Variants in SCAPER observed in about 807,000 individuals in gnomAD.
SCAPER encodes the protein S-phase cyclin A associated protein in the ER.
A neutral mutation model predicts 182.2 loss-of-function variants in SCAPER; 98 were observed. The observed-to-expected ratio is 0.54, with a 90% CI of 0.46 to 0.64. SCAPER has a LOEUF of 0.64. Ranked by LOEUF, SCAPER falls within the 30% of genes least tolerant of loss-of-function variation. The pLI is 0.00. For missense variants in SCAPER, 1,432 were observed against 1,690.0 expected (o/e 0.85, Z 2.68); for synonymous variants, 605 against 564.6 (o/e 1.07, Z -1.01).
chr15:76,655,348 GA>G (rs1198005600), intron 21 of SCAPER, among the ~76,000 whole-genome samples: 2 of 151,116 alleles, frequency 1.3e-5, no homozygotes. Flanking sequence ...CAAACATAAA[GA>G]AAAAAGAAGA....
chr15:76,814,123 A>G (rs933172506), intron 5 of SCAPER, among the ~76,000 whole-genome samples: 1 of 152,056 alleles, frequency 6.6e-6, no homozygotes, highest in Non-Finnish European at 1.5e-5. Flanking sequence ...AGCCGAGATT[A>G]CGCCACCGCG....
At chr15:76,626,345 A>C (rs2468122) in intron 21 of SCAPER, among the ~76,000 whole-genome samples, 25,551 of 152,152 alleles carry the variant, frequency 0.17, 2,503 homozygotes, top group African/African-American at 0.28. Context: ...AGGGGGATAC[A>C]AAGAGGTATA....
chr15:76,424,890 A>T (rs377277323), intron 26 of SCAPER, among the ~76,000 whole-genome samples: 4 of 152,120 alleles, frequency 2.6e-5, no homozygotes, highest in Admixed American at 6.5e-5. Flanking sequence ...TTAGTTTGGC[A>T]GGATATGAAA....
rs1230104329 is a variant in SCAPER at position 76,652,343 on chromosome 15, T to TACACAC, written c.2645+13304_2645+13309dup. Among the ~76,000 whole-genome samples, 69 of 12,190 alleles carry TACACAC rather than the reference T, an allele frequency of 5.7e-3. 1 individual carries two copies. The highest frequency in any genetic ancestry group is 6.4e-3 in the East Asian group (2 of 314). 8.0% of individuals were successfully genotyped at this position (12,190 alleles called of 152,430 possible). A position where few individuals can be genotyped will look rare whatever the true frequency, so the allele number is the denominator to read the frequency against. On this transcript the variant is annotated intron_variant, in intron 21 of 31. Coordinates refer to ENST00000563290, the MANE Select transcript of SCAPER (RefSeq NM_020843.4). ...ACACACACACACACATACACATATA[T>TACACAC]ACACACACACACACACACACACACA...
chr15:76,632,727 A>C (rs1054645218), intron 21 of SCAPER, among the ~76,000 whole-genome samples: 1 of 144,574 alleles, frequency 6.9e-6, no homozygotes, highest in Non-Finnish European at 1.5e-5. Context: ...ATTCTTTCTC[A>C]TCTTCATGGA....
intron 20 of SCAPER, among the ~76,000 whole-genome samples, chr15:76,673,152 A>G (rs1031160631): frequency 6.6e-6 from 1 of 152,128 alleles, no homozygotes; most frequent in African/African-American, 2.4e-5. Flanking sequence ...TATTATCAAC[A>G]TTTTCAAAAC....
intron 21 of SCAPER, among the ~76,000 whole-genome samples, chr15:76,627,964 T>G (rs1019434622): frequency 6.6e-6 from 1 of 152,218 alleles, no homozygotes; most frequent in African/African-American, 2.4e-5. Flanking sequence ...GTTTCTTGAC[T>G]TTTTAATAAT....
intron 8 of SCAPER, among the ~76,000 whole-genome samples, chr15:76,787,737 T>C (rs2064716342): frequency 6.6e-6 from 1 of 152,144 alleles, no homozygotes; most frequent in African/African-American, 2.4e-5. Context: ...ACAGATTTAG[T>C]AATAAAATTT....
chr15:76,714,368 G>A (rs770398044), intron 17 of SCAPER, among the ~76,000 whole-genome samples: 52 of 152,096 alleles, frequency 3.4e-4, no homozygotes, highest in Admixed American at 6.6e-4. Flanking sequence ...TCAATTTCAA[G>A]CAAGGTTGTG....
chr15:76,376,143 A>G lies in SCAPER; in HGVS notation c.3855+19T>C. 1.2e-6 allele frequency: 2 copies of G among 1,613,126 alleles called. No individual in the cohort carries two copies. The highest frequency in any genetic ancestry group is 1.7e-6 in the Non-Finnish European group (2 of 1,179,460). On this transcript the variant is annotated intron_variant, in intron 29 of 31. Transcript: ENST00000563290. ...CAGCACTGGGGGAGCAGTCTAAGGA[A>G]CTTTCCAGGGCCTCTTACCTGGTTA...
At chr15:76,695,374 T>C (rs568886162) in intron 20 of SCAPER, among the ~76,000 whole-genome samples, 1 of 152,224 alleles carries the variant, frequency 6.6e-6, no homozygotes, top group Admixed American at 6.5e-5. Context: ...GGCAGGTAGA[T>C]CACCTGAGAT....
intron 5 of SCAPER, among the ~76,000 whole-genome samples, chr15:76,810,578 A>G (rs1389768902): frequency 2.0e-5 from 3 of 149,252 alleles, no homozygotes; most frequent in East Asian, 1.9e-4. Context: ...CACACACACA[A>G]AAGAAGAGAG....
chr15:76,754,975 A>T (rs2062328804), intron 14 of SCAPER, among the ~76,000 whole-genome samples: 1 of 152,186 alleles, frequency 6.6e-6, no homozygotes, highest in Admixed American at 6.5e-5. Flanking sequence ...TCCATCATAC[A>T]AATGGAAGAT....
At chr15:76,553,304 T>C (rs2034904604) in intron 23 of SCAPER, among the ~76,000 whole-genome samples, 1 of 152,150 alleles carries the variant, frequency 6.6e-6, no homozygotes, top group Admixed American at 6.5e-5. Context: ...ACTGAGTGTG[T>C]ATATGGACAC....
At chr15:76,774,376 C>A in intron 9 of SCAPER, 1 of 386,540 alleles carries the variant, frequency 2.6e-6, no homozygotes, top group Non-Finnish European at 5.0e-6. Context: ...ACCAAATGAA[C>A]TGAGTAATTC....
intron 20 of SCAPER, among the ~76,000 whole-genome samples, chr15:76,688,063 T>TA (rs1225734240): frequency 1.3e-5 from 2 of 152,192 alleles, no homozygotes; most frequent in East Asian, 3.8e-4. Context: ...ACCAACAGCG[T>TA]AAAAGCACTC....
chr15:76,748,681 G>C (rs1018300727), intron 15 of SCAPER, among the ~76,000 whole-genome samples: 1 of 151,008 alleles, frequency 6.6e-6, no homozygotes, highest in Non-Finnish European at 1.5e-5. Flanking sequence ...GGTAAAATGT[G>C]AGCAAAGGAT....
intron 17 of SCAPER, among the ~76,000 whole-genome samples, chr15:76,706,921 TTC>T (rs1352715684): frequency 6.6e-6 from 1 of 152,018 alleles, no homozygotes; most frequent in Non-Finnish European, 1.5e-5. Context: ...ATTCGCCTAG[TTC>T]TCTTAAACAT....
chr15:76,445,637 C>T (rs2047945131), intron 25 of SCAPER, among the ~76,000 whole-genome samples: 1 of 152,128 alleles, frequency 6.6e-6, no homozygotes, highest in Non-Finnish European at 1.5e-5. Flanking sequence ...TTGGTTTCCA[C>T]AGGAGGGGTT....
Sources: allele counts gnomAD v4.1 joint callset (sites outside exome capture counted in the v4.1 genomes callset), GRCh38; gene constraint gnomAD v4.1.1; transcripts MANE v1.5; gene names NCBI Gene and HGNC (gene_info 2026-07-23, HGNC 2026-07-21).